The following HMGCS1 variants were observed in gnomAD, a reference collection of about 807,000 sequenced individuals.
HMGCS1 encodes the protein 3-hydroxy-3-methylglutaryl-CoA synthase 1.
A neutral mutation model predicts 52.3 loss-of-function variants in HMGCS1; 9 were observed. The ratio of observed to expected loss-of-function variants is 0.17; its 90% CI spans 0.10 to 0.30. HMGCS1 has a LOEUF of 0.30. Ranked by LOEUF, HMGCS1 falls within the 10% of genes least tolerant of loss-of-function variation. The probability of loss-of-function intolerance (pLI) is 1.00; values close to 1 mark genes in which losing one functional copy is unlikely to be tolerated. For synonymous variants in HMGCS1, 176 were observed against 214.4 expected, an observed-to-expected ratio of 0.82 and a Z score of 1.57; for missense variants, 320 against 620.9, an observed-to-expected ratio of 0.52 and a Z score of 5.15.
chr5:43,311,703 CCA>C lies in HMGCS1; in HGVS notation c.-70+1651_-70+1652del, dbSNP rs1754880826. Among the ~76,000 whole-genome samples the C allele has an allele frequency of 2.0e-5, 3 of 152,122 alleles. No homozygotes were observed. In the South Asian group the frequency reaches 6.2e-4, roughly 32 times the overall value. On this transcript the variant is annotated intron_variant, in intron 1 of 10. Coordinates refer to ENST00000325110, the MANE Select transcript of HMGCS1 (RefSeq NM_001098272.3). ...TCTAAGTCAAAATCTCAAAATCAAT[CCA>C]CAGTTAAAAGAAACAAGATGTAAAA...
chr5:43,301,464 A>C (rs1357498032), intron 2 of HMGCS1, among the ~76,000 whole-genome samples: 2 of 152,252 alleles, frequency 1.3e-5, no homozygotes, highest in Non-Finnish European at 2.9e-5. Context: ...TGGCAAGCAC[A>C]CATTTAAAAA....
At chr5:43,312,221 G>A (rs1049447693) in intron 1 of HMGCS1, among the ~76,000 whole-genome samples, 1 of 152,176 alleles carries the variant, frequency 6.6e-6, no homozygotes, top group Non-Finnish European at 1.5e-5. Context: ...TCTTAATTTT[G>A]TTGTTTATCT....
intron 1 of HMGCS1, among the ~76,000 whole-genome samples, chr5:43,309,790 G>A (rs140662426): frequency 3.3e-4 from 50 of 152,332 alleles, no homozygotes; most frequent in African/African-American, 1.1e-3. Context: ...CAAGTAGCCA[G>A]GCAGGTTACC....
chr5:43,296,238 C>T (rs1754025971), intron 5 of HMGCS1, among the ~76,000 whole-genome samples: 1 of 151,970 alleles, frequency 6.6e-6, no homozygotes, highest in Admixed American at 6.6e-5. Flanking sequence ...AAATAGCAAA[C>T]TGAATAACTT....
chr5:43,288,550 A>C lies in HMGCS1; in HGVS notation c.*2581T>G, dbSNP rs1753596444. On this transcript the variant is annotated 3_prime_UTR_variant, in exon 11 of 11. Coordinates refer to ENST00000325110, the MANE Select transcript of HMGCS1 (RefSeq NM_001098272.3). Reference sequence around the variant, plus strand: ...TCTGTTTGGGTCTAGTGTCAACCTCAAAGTTACTCATTAGTATCCATAAAA... The same window carrying C: ...TCTGTTTGGGTCTAGTGTCAACCTCCAAGTTACTCATTAGTATCCATAAAA... The C allele has an allele frequency of 6.6e-6, 1 of 152,188 alleles. No individual in the cohort carries two copies. Among genetic ancestry groups the C allele is most frequent in the Non-Finnish European group, 1.5e-5 (1 of 68,046 alleles). The allele number at this position is 152,188 out of a possible 1,614,324, so 9.4% of individuals were successfully genotyped here. A position where few individuals can be genotyped will look rare whatever the true frequency, so the allele number is the denominator to read the frequency against.
intron 6 of HMGCS1, 28 bp from the exon 7 acceptor site, chr5:43,294,889 G>A: frequency 6.7e-7 from 1 of 1,501,856 alleles, no homozygotes; most frequent in Non-Finnish European, 9.2e-7. Context: ...CAGTTTTACA[G>A]TGTTTAAAGC....
chr5:43,309,450 G>C (rs1754751399), intron 1 of HMGCS1, among the ~76,000 whole-genome samples: 2 of 152,140 alleles, frequency 1.3e-5, no homozygotes, highest in South Asian at 4.1e-4. Context: ...ATCTTTCCCA[G>C]GCTGTTCTCC....
intron 1 of HMGCS1, among the ~76,000 whole-genome samples, chr5:43,308,922 T>G (rs542007067): frequency 2.2e-4 from 33 of 152,342 alleles, no homozygotes; most frequent in African/African-American, 7.5e-4. Flanking sequence ...GAAATAGATC[T>G]TGAGTTTTGT....
chr5:43,293,886 G>A, intron 8 of HMGCS1, 170 bp downstream of exon 8: 1 of 513,100 alleles, frequency 1.9e-6, no homozygotes, highest in Middle Eastern at 4.1e-4. Flanking sequence ...GCTAATTTTT[G>A]TATTTTTAGT....
chr5:43,303,444 G>C (rs1042002508), intron 2 of HMGCS1, among the ~76,000 whole-genome samples: 1 of 152,224 alleles, frequency 6.6e-6, no homozygotes, highest in Admixed American at 6.5e-5. Context: ...AGCCCTGATC[G>C]GGAACCAACC....
chr5:43,303,051 T>C (rs1010911833), intron 2 of HMGCS1, among the ~76,000 whole-genome samples: 2 of 152,244 alleles, frequency 1.3e-5, no homozygotes, highest in Non-Finnish European at 2.9e-5. Flanking sequence ...AAAGAGCTCT[T>C]TAAAAAATTC....
intron 2 of HMGCS1, among the ~76,000 whole-genome samples, chr5:43,306,572 G>A (rs1305634098): frequency 6.6e-6 from 1 of 152,188 alleles, no homozygotes; most frequent in Non-Finnish European, 1.5e-5. Context: ...CCAACATGAT[G>A]CTCAAAGGAA....
intron 7 of HMGCS1, chr5:43,294,391 G>A (rs1170155496): frequency 1.9e-6 from 1 of 519,244 alleles, no homozygotes; most frequent in Non-Finnish European, 3.4e-6. Context: ...GCTTGTGAAA[G>A]TCATGCCACA....
intron 2 of HMGCS1, among the ~76,000 whole-genome samples, chr5:43,303,070 CA>C (rs1245583730): frequency 6.6e-6 from 1 of 152,032 alleles, no homozygotes; most frequent in Non-Finnish European, 1.5e-5. Flanking sequence ...TCTAAGTAAT[CA>C]AAAAAGCATT....
chr5:43,300,689 G>A (rs1754270354), intron 2 of HMGCS1, among the ~76,000 whole-genome samples: 2 of 151,868 alleles, frequency 1.3e-5, no homozygotes, highest in Non-Finnish European at 2.9e-5. Flanking sequence ...CAGCTACTAG[G>A]GAGGCTGAGG....
intron 1 of HMGCS1, among the ~76,000 whole-genome samples, chr5:43,308,586 T>C (rs1754693749): frequency 1.3e-5 from 2 of 152,212 alleles, no homozygotes; most frequent in African/African-American, 2.4e-5. Context: ...TAAACATTAT[T>C]ATGTAAATTA....
Position 43,298,822 on chromosome 5 carries a change from G to T in HMGCS1, c.144C>A (p.Thr48=). Residue 48 remains threonine, a synonymous_variant, in exon 3 of 11, where the codon ACC becomes ACA. Transcript: ENST00000325110. This position sits in a 1 kb window ranked among gnomAD's most constrained non-coding sequence, Gnocchi z 5.6. ...KYDGVDAGKY[T]IGLGQAKMGF... ...CCATCTTGGCCTGGCCCAAGCCAAT[G>T]GTATACTTTCCAGCATCTACACCAT... 1 of 1,612,938 alleles carries T rather than the reference G, an allele frequency of 6.2e-7. No individual in the cohort carries two copies. The highest frequency in any genetic ancestry group is 8.5e-7 in the Non-Finnish European group (1 of 1,179,610).
rs754787099 is a variant in HMGCS1, at chr5:43,298,481, A to C, written c.448+37T>G. 8.4e-6 allele frequency: 13 copies of C among 1,549,802 alleles called. No individual in the cohort carries two copies. In the Admixed American group the frequency reaches 2.1e-4, roughly 25 times the overall value. ...TGGGTCTATTGAACCTTAGAAAAAA[A>C]TTTTGGGGGACGGCGGGGAATAGGC... On this transcript the variant is annotated intron_variant, in intron 3 of 10. Coordinates refer to ENST00000325110, the MANE Select transcript of HMGCS1 (RefSeq NM_001098272.3). The surrounding 1 kb of genome is among the most constrained non-coding windows in gnomAD (Gnocchi z 5.6).
intron 10 of HMGCS1, among the ~76,000 whole-genome samples, chr5:43,291,461 C>G (rs1753764480): frequency 6.6e-6 from 1 of 151,832 alleles, no homozygotes. Context: ...AGAGACCCAC[C>G]ACGTAACAGT....
Sources: allele counts gnomAD v4.1 joint callset (sites outside exome capture counted in the v4.1 genomes callset), GRCh38; gene constraint gnomAD v4.1.1; non-coding constraint Gnocchi (gnomAD v3.1); transcripts MANE v1.5; gene names NCBI Gene and HGNC (gene_info 2026-07-23, HGNC 2026-07-21).